ZSCAN23: variants seen among roughly 807,000 people sequenced by gnomAD.
The protein encoded by ZSCAN23 is zinc finger and SCAN domain containing 23, also known as zinc finger and SCAN domain-containing protein 23.
Under a neutral mutation model 19.3 loss-of-function variants are expected in ZSCAN23, and 19 were observed. The ratio of observed to expected loss-of-function variants is 0.99; its 90% CI spans 0.69 to 1.45. ZSCAN23 has a LOEUF of 1.45. ZSCAN23 is among the 40% of genes most tolerant of loss of function. The pLI, the probability that ZSCAN23 is intolerant of heterozygous loss-of-function variation, is 0.00. For synonymous variants in ZSCAN23, 140 were observed against 166.2 expected (o/e 0.84, Z 1.21); for missense variants, 372 against 462.5 (o/e 0.80, Z 1.79).
the ZSCAN23 span, among the ~76,000 whole-genome samples, chr6:28,426,734 C>T: frequency 6.6e-6 from 1 of 152,180 alleles, no homozygotes; most frequent in African/African-American, 2.4e-5. Flanking sequence ...TGCAATAAAG[C>T]AAAGTGCAAG....
At position 28,434,764 on chromosome 6, in the gene ZSCAN23, C is replaced by T. The variant is rs1473338797; in HGVS notation, c.871G>A (p.Gly291Ser). ...ECGRAFSQRS[G>S]LFQHQRLHTG... ...TGGAGTCTCTGGTGCTGGAATAGGC[C>T]TGACCTCTGGCTGAAGGCCCGCCCA... Residue 291 changes from glycine to serine, a missense_variant, in exon 4 of 4, where the codon GGC becomes AGC. Transcript: ENST00000289788. 1.2e-6 allele frequency: 2 copies of T among 1,602,684 alleles called. No homozygotes were observed. The highest frequency in any genetic ancestry group is 1.7e-6 in the Non-Finnish European group (2 of 1,174,470).
chr6:28,435,935 T>A lies in ZSCAN23; in HGVS notation c.332A>T (p.His111Leu). The A allele has an allele frequency of 6.2e-7, 1 of 1,614,164 alleles. No homozygotes were observed. Among genetic ancestry groups the A allele is most frequent in the East Asian group, 2.2e-5 (1 of 44,874 alleles). The change falls in exon 2 of 4, where the codon CAC (histidine) becomes CTC (leucine). Residue 111 changes from histidine (H) to leucine (L), a missense_variant. Transcript: ENST00000289788. ...TGCCTCCTCTCCACTCACAGGACGG[T>A]GCTGTCTGACCCAGGCCTGGAGCTC... ...PEELQAWVRQ[H>L]RPVSGEEAVT...
intron 1 of ZSCAN23, among the ~76,000 whole-genome samples, chr6:28,440,303 T>C (rs1761976790): frequency 6.6e-6 from 1 of 152,184 alleles, no homozygotes; most frequent in South Asian, 2.1e-4. Context: ...CTAACTTGTA[T>C]TCTATGAGAT....
chr6:28,424,210 T>C, the ZSCAN23 span, among the ~76,000 whole-genome samples: 52,414 of 152,148 alleles, frequency 0.34, 9,588 homozygotes, highest in African/African-American at 0.47. Flanking sequence ...GTTATGTTTA[T>C]ACTACATGAC....
downstream of ZSCAN23, among the ~76,000 whole-genome samples, chr6:28,429,619 C>T (rs1244733136): frequency 6.6e-6 from 1 of 152,150 alleles, no homozygotes; most frequent in African/African-American, 2.4e-5. Context: ...GTGCCCTCAT[C>T]TCAGAAGGGG....
the ZSCAN23 span, among the ~76,000 whole-genome samples, chr6:28,422,014 A>T: frequency 7.3e-6 from 1 of 136,974 alleles, no homozygotes; most frequent in African/African-American, 3.0e-5. This position sits in a 1 kb window ranked among gnomAD's most constrained non-coding sequence, Gnocchi z 4.0. Context: ...TTTTACAGCA[A>T]ATATTGAAAT....
chr6:28,441,316 T>G (rs1761995869), intron 1 of ZSCAN23, among the ~76,000 whole-genome samples: 1 of 152,234 alleles, frequency 6.6e-6, no homozygotes, highest in South Asian at 2.1e-4. Context: ...CAGTCAGACC[T>G]TTAGCTTCTG....
chr6:28,435,843 T>C lies in ZSCAN23; in HGVS notation c.408+16A>G. 5.1e-6 allele frequency: 8 copies of C among 1,553,742 alleles called. No homozygotes were observed. Among genetic ancestry groups the C allele is most frequent in the Non-Finnish European group, 6.9e-6 (8 of 1,154,566 alleles). On this transcript the variant is annotated intron_variant, in intron 2 of 3. Coordinates refer to ENST00000289788, the MANE Select transcript of ZSCAN23 (RefSeq NM_001012455.2). ...TGTTCTTATAGGTACAAATCCCTGT[T>C]CTCCCATCTTCTCACCTGCTCTCCT...
chr6:28,431,803 A>T (rs920711712), downstream of ZSCAN23: 1 of 152,220 alleles, frequency 6.6e-6, no homozygotes, highest in African/African-American at 2.4e-5. Flanking sequence ...GATAAATAAG[A>T]GAGATTTCTA....
chr6:28,423,876 A>C, the ZSCAN23 span, among the ~76,000 whole-genome samples: 1 of 152,244 alleles, frequency 6.6e-6, no homozygotes, highest in Non-Finnish European at 1.5e-5. Flanking sequence ...GTAAAAAAAA[A>C]AATTTCTGTG....
chr6:28,435,674 G>A, intron 2 of ZSCAN23, 67 bp from the exon 3 acceptor site: 1 of 1,485,752 alleles, frequency 6.7e-7, no homozygotes, highest in East Asian at 2.5e-5. Flanking sequence ...GCCTCCTCAG[G>A]GCCGCTGGAT....
At chr6:28,435,196 T>C in intron 3 of ZSCAN23, 118 bp from the exon 4 acceptor site, 1 of 1,234,812 alleles carries the variant, frequency 8.1e-7, no homozygotes, top group South Asian at 1.6e-5. Context: ...AGTAGCCACT[T>C]TTTCTGTTTA....
intron 1 of ZSCAN23, among the ~76,000 whole-genome samples, chr6:28,438,388 C>T (rs56787378): frequency 0.068 from 10,328 of 152,196 alleles, 417 homozygotes; most frequent in South Asian, 0.17. Context: ...TTAGCCACCG[C>T]GCCCAGCAAC....
rs1289580326 is a variant in ZSCAN23 at position 28,436,036 on chromosome 6, C to G, written c.231G>C (p.Leu77=). 2 of 1,614,118 alleles carry G rather than the reference C, an allele frequency of 1.2e-6. No homozygotes were observed. ...QRLQELCHQW[L]RPEMHTKEQI... is the part of the protein sequence containing the mutation. ...GCTCCTTGGTGTGCATCTCTGGTCT[C>G]AGCCACTGATGGCAGAGCTCCTGGA... Residue 77 remains leucine, a synonymous_variant, in exon 2 of 4, where the codon CTG becomes CTC. Coordinates refer to ENST00000289788, the MANE Select transcript of ZSCAN23 (RefSeq NM_001012455.2).
downstream of ZSCAN23, among the ~76,000 whole-genome samples, chr6:28,430,880 C>A (rs931998902): frequency 6.6e-6 from 1 of 152,156 alleles, no homozygotes; most frequent in African/African-American, 2.4e-5. Flanking sequence ...CTTAAAATGG[C>A]TCACTGTTTG....
intron 1 of ZSCAN23, among the ~76,000 whole-genome samples, chr6:28,441,877 T>A (rs907276261): frequency 4.7e-5 from 7 of 148,546 alleles, no homozygotes; most frequent in African/African-American, 1.7e-4. Flanking sequence ...GTTGTTAATT[T>A]TTTTTTTTTT....
chr6:28,428,204 C>T (rs1399687452), downstream of ZSCAN23, among the ~76,000 whole-genome samples: 2 of 152,148 alleles, frequency 1.3e-5, no homozygotes, highest in Non-Finnish European at 2.9e-5. Context: ...TCTCTCATAC[C>T]AATCTTTCTT....
chr6:28,429,790 C>A (rs1033921886), downstream of ZSCAN23, among the ~76,000 whole-genome samples: 2 of 152,170 alleles, frequency 1.3e-5, no homozygotes, highest in Non-Finnish European at 2.9e-5. Context: ...AACAGCACCC[C>A]CTCCGAGTAC....
At position 28,435,936 on chromosome 6, in the gene ZSCAN23, G is replaced by A. The variant is rs1561978403; in HGVS notation, c.331C>T (p.His111Tyr). Reference sequence around the variant, plus strand: ...GCCTCCTCTCCACTCACAGGACGGTGCTGTCTGACCCAGGCCTGGAGCTCC... The same window carrying A: ...GCCTCCTCTCCACTCACAGGACGGTACTGTCTGACCCAGGCCTGGAGCTCC... The part of the protein sequence containing the change: ...PEELQAWVRQ[H>Y]RPVSGEEAVT... The change falls in exon 2 of 4, where the codon CAC becomes TAC. Residue 111 changes from histidine to tyrosine, a missense_variant. By Grantham distance (83) the His-to-Tyr change is moderately conservative (BLOSUM62 2). Coordinates refer to ENST00000289788, the MANE Select transcript of ZSCAN23 (RefSeq NM_001012455.2). The A allele has an allele frequency of 3.1e-6, 5 of 1,614,148 alleles. No individual in the cohort carries two copies. Among genetic ancestry groups the A allele is most frequent in the South Asian group, 2.2e-5 (2 of 91,082 alleles).
Sources: gnomAD v4.1 joint callset for allele counts (sites outside exome capture counted in the v4.1 genomes callset) on GRCh38, gnomAD v4.1.1 for gene constraint, Gnocchi (gnomAD v3.1) non-coding constraint, MANE v1.5 for transcripts, NCBI Gene and HGNC (gene_info 2026-07-23, HGNC 2026-07-21) for gene names.